Variants in NAP1L4 observed in about 807,000 individuals in gnomAD.
NAP1L4 encodes the protein nucleosome assembly protein 1 like 4.
In NAP1L4, 15 loss-of-function variants were observed where a neutral mutation model predicts 58.2. That is an observed-to-expected ratio of 0.26 (90% CI 0.17 to 0.40). The LOEUF is 0.40. Among genes scored for constraint, NAP1L4 ranks in the 10% least tolerant of loss-of-function variants. NAP1L4 has a pLI of 1.00. For synonymous variants in NAP1L4, 171 were observed against 155.6 expected (o/e 1.10, Z -0.74); for missense variants, 384 against 451.1 (o/e 0.85, Z 1.35).
chr11:2,989,938 AT>A (rs1422026651), intron 1 of NAP1L4: 1 of 152,340 alleles, frequency 6.6e-6, no homozygotes, highest in Non-Finnish European at 1.5e-5. Context: ...TGCCCTGTAC[AT>A]TTTGAGGACA....
chr11:2,947,209 G>C (rs1472520936), intron 15 of NAP1L4, among the ~76,000 whole-genome samples: 1 of 152,354 alleles, frequency 6.6e-6, no homozygotes, highest in Non-Finnish European at 1.5e-5. Context: ...TCCAGATTTG[G>C]AATGCTCAAC....
chr11:2,961,503 A>T (rs1247476152), intron 8 of NAP1L4, among the ~76,000 whole-genome samples: 1 of 102,248 alleles, frequency 9.8e-6, no homozygotes, highest in African/African-American at 8.0e-5. Flanking sequence ...CCACGGCTTA[A>T]AAAAAAAAAA....
intron 9 of NAP1L4, chr11:2,958,966 T>C: frequency 4.5e-6 from 1 of 220,846 alleles, no homozygotes; most frequent in Non-Finnish European, 9.1e-6. Context: ...CCGGGAATAC[T>C]GATGGCCAGT....
In NAP1L4 at chr11:2,944,814, G is replaced by C. The variant is rs1845857551; in HGVS notation, c.*865C>G. The stretch of plus-strand genomic sequence containing the variant: ...AGGGTGGCGCCTGCGTCATGAGGAC[G>C]GGCTCGCATCTTCAGCCCTGGTGGC... On this transcript the variant is annotated 3_prime_UTR_variant, in exon 16 of 16. Transcript: ENST00000380542. 1 of 152,260 alleles carries C rather than the reference G, an allele frequency of 6.6e-6. No individual in the cohort carries two copies. Among genetic ancestry groups the C allele is most frequent in the Admixed American group, 6.5e-5 (1 of 15,282 alleles). The allele number at this position is 152,260 out of a possible 1,614,324, so 9.4% of individuals were successfully genotyped here.
Position 2,954,816 on chromosome 11 carries a change from C to CT in NAP1L4, c.916-171dup. ...GACACTCAAAGCCCCTTTAAAACAA[C>CT]TTTAAGTAGCTTTAAAGAGCTACTG... On this transcript the variant is annotated intron_variant, in intron 11 of 15. Coordinates refer to ENST00000380542, the MANE Select transcript of NAP1L4 (RefSeq NM_005969.4). This position sits in a 1 kb window ranked among gnomAD's most constrained non-coding sequence, Gnocchi z 4.8. 1 of 781,480 alleles carries CT rather than the reference C, an allele frequency of 1.3e-6. No individual in the cohort carries two copies. The highest frequency in any genetic ancestry group is 2.1e-6 in the Non-Finnish European group (1 of 486,760). The allele number at this position is 781,480 out of a possible 1,614,324, so 48.4% of individuals were successfully genotyped here. A position where few individuals can be genotyped will look rare whatever the true frequency, so the allele number is the denominator to read the frequency against.
chr11:2,978,591 T>C (rs1848110574), intron 2 of NAP1L4, among the ~76,000 whole-genome samples: 1 of 152,150 alleles, frequency 6.6e-6, no homozygotes, highest in Admixed American at 6.5e-5. Context: ...TTTCCAACCT[T>C]AGCCAAAGCT....
At chr11:2,964,887 A>T in intron 7 of NAP1L4, 136 bp from the exon 8 acceptor site, 1 of 667,480 alleles carries the variant, frequency 1.5e-6, no homozygotes, top group Non-Finnish European at 2.6e-6. Context: ...CAAAGTAATA[A>T]CTACCAGGAA....
At chr11:2,975,466 C>G (rs899333146) in intron 4 of NAP1L4, among the ~76,000 whole-genome samples, 1 of 152,046 alleles carries the variant, frequency 6.6e-6, no homozygotes, top group African/African-American at 2.4e-5. Context: ...GGCACGGTAG[C>G]TCACCCGTTA....
Position 2,971,374 on chromosome 11 carries a change from TAAAA to T in NAP1L4, c.402+70_402+73del, listed in dbSNP as rs1184230898. On this transcript the variant is annotated intron_variant, in intron 6 of 15. Transcript: ENST00000380542. This position sits in a 1 kb window ranked among gnomAD's most constrained non-coding sequence, Gnocchi z 4.2. ...AGAAGCACATAAGTTTACTAGTCAT[TAAAA>T]ATCATTAAAAAATGCTTATTTTTAA... is the stretch of plus-strand genomic sequence containing the variant. The T allele has an allele frequency of 2.2e-5, 30 of 1,354,946 alleles. No individual in the cohort carries two copies. The highest frequency in any genetic ancestry group is 3.1e-5 in the Non-Finnish European group (30 of 968,510). The allele number at this position is 1,354,946 out of a possible 1,614,324, so 83.9% of individuals were successfully genotyped here.
chr11:2,950,008 G>A (rs910936132), intron 14 of NAP1L4, among the ~76,000 whole-genome samples: 1 of 152,230 alleles, frequency 6.6e-6, no homozygotes, highest in Non-Finnish European at 1.5e-5. Flanking sequence ...ATAAACACAC[G>A]TGGCCCTTGG....
chr11:2,986,112 G>A (rs1848600604), intron 1 of NAP1L4, among the ~76,000 whole-genome samples: 1 of 152,170 alleles, frequency 6.6e-6, no homozygotes, highest in Non-Finnish European at 1.5e-5. Context: ...GGTGGCTCAC[G>A]CCTGTAATCC....
chr11:2,982,415 A>T (rs903364941), intron 1 of NAP1L4, among the ~76,000 whole-genome samples: 4 of 152,236 alleles, frequency 2.6e-5, no homozygotes, highest in Non-Finnish European at 5.9e-5. Context: ...AGTTTAATGG[A>T]CAGATTCTTG....
At chr11:2,979,296 T>C (rs1270047821) in intron 1 of NAP1L4, 59 bp from the exon 2 acceptor site, 24 of 1,432,810 alleles carry the variant, frequency 1.7e-5, no homozygotes, top group Non-Finnish European at 2.2e-5. Flanking sequence ...TTGTTCAATA[T>C]ACTTTTTAAA....
chr11:2,949,769 G>A lies in NAP1L4; in HGVS notation c.1123-505C>T, dbSNP rs1416833697. On this transcript the variant is annotated intron_variant, in intron 14 of 15. Transcript: ENST00000380542. The surrounding 1 kb of genome is among the most constrained non-coding windows in gnomAD (Gnocchi z 4.0). ...TTTAGAAACCTGGGACGTGAAAGGA[G>A]ACTCAAGGTTCTCCAAGGTGACAGA... Among the ~76,000 whole-genome samples the A allele has an allele frequency of 6.6e-6, 1 of 152,234 alleles. No homozygotes were observed. The highest frequency in any genetic ancestry group is 1.9e-4 in the East Asian group (1 of 5,204).
rs983483364 is a variant in NAP1L4, at chr11:2,946,317, C to T, written c.*33-671G>A. 5.9e-5 allele frequency among the ~76,000 whole-genome samples: 9 copies of T among 152,136 alleles called. No individual in the cohort carries two copies. Among genetic ancestry groups the T allele is most frequent in the South Asian group, 2.1e-4 (1 of 4,832 alleles). Reference sequence around the variant, plus strand: ...ATGCTATCCTTCCAGTAACGGCATCCGGGACACAAAATTCCCCTCCCAGAG... The same window carrying T: ...ATGCTATCCTTCCAGTAACGGCATCTGGGACACAAAATTCCCCTCCCAGAG... On this transcript the variant is annotated intron_variant, in intron 15 of 15. Transcript: ENST00000380542. This position sits in a 1 kb window ranked among gnomAD's most constrained non-coding sequence, Gnocchi z 4.8.
intron 4 of NAP1L4, among the ~76,000 whole-genome samples, 197 bp downstream of exon 4, chr11:2,975,827 T>C (rs1328314380): frequency 6.6e-6 from 1 of 152,086 alleles, no homozygotes; most frequent in Non-Finnish European, 1.5e-5. Context: ...GTCACGCTAC[T>C]CCATCCACCA....
At chr11:2,965,810 G>A (rs967318940) in intron 7 of NAP1L4, among the ~76,000 whole-genome samples, 2 of 152,186 alleles carry the variant, frequency 1.3e-5, no homozygotes, top group Non-Finnish European at 2.9e-5. Flanking sequence ...GATTACAGGC[G>A]TGAGCCACCG....
intron 15 of NAP1L4, among the ~76,000 whole-genome samples, chr11:2,947,812 G>T (rs996381581): frequency 6.6e-6 from 1 of 152,200 alleles, no homozygotes. Flanking sequence ...GGTTTGAACA[G>T]ATAACACTCG....
intron 1 of NAP1L4, among the ~76,000 whole-genome samples, chr11:2,981,418 C>CCAAAAAAAAAA (rs1564990154): frequency 2.4e-5 from 1 of 41,274 alleles, no homozygotes; most frequent in Non-Finnish European, 5.2e-5. Flanking sequence ...TACCCTGTCT[C>CCAAAAAAAAAA]AAAAAAAAAA....
Sources: gnomAD v4.1 joint callset for allele counts (sites outside exome capture counted in the v4.1 genomes callset) on GRCh38, gnomAD v4.1.1 for gene constraint, Gnocchi (gnomAD v3.1) non-coding constraint, MANE v1.5 for transcripts, NCBI Gene and HGNC (gene_info 2026-07-23, HGNC 2026-07-21) for gene names.